The following SPON1 variants were observed in gnomAD, a reference collection of about 807,000 sequenced individuals.
SPON1 encodes spondin 1, also known as spondin-1.
Under a neutral mutation model 111.7 loss-of-function variants are expected in SPON1, and 52 were observed. That is an observed-to-expected ratio of 0.47 (90% CI 0.37 to 0.59). The LOEUF (loss-of-function observed/expected upper bound fraction) is 0.59, where lower values mean the gene tolerates loss of function less well. Ranked by LOEUF, SPON1 falls within the 20% of genes least tolerant of loss-of-function variation. The pLI is 0.00. For missense variants in SPON1, 957 were observed against 1,068.5 expected, an observed-to-expected ratio of 0.90 and a Z score of 1.46; for synonymous variants, 410 against 395.8, an observed-to-expected ratio of 1.04 and a Z score of -0.43.
At chr11:13,967,256 T>C (rs531300678) in intron 1 of SPON1, among the ~76,000 whole-genome samples, 15 of 152,338 alleles carry the variant, frequency 9.8e-5, no homozygotes, top group African/African-American at 3.4e-4. Context: ...TCAGCTACCC[T>C]CAGCCTTCTG....
In SPON1 at chr11:14,266,388, T is replaced by C. The variant is rs1416473734; in HGVS notation, c.*701T>C. The C allele has an allele frequency of 6.6e-6, 1 of 152,126 alleles. No homozygotes were observed. The highest frequency in any genetic ancestry group is 2.4e-5 in the African/African-American group (1 of 41,404). The allele number at this position is 152,126 out of a possible 1,614,324, so 9.4% of individuals were successfully genotyped here. Reference sequence around the variant, plus strand: ...AGGTAGCTAGTTTTTACACCTGAGATAAATAATAAGCTTAGAGTGTATTTT... The same window carrying C: ...AGGTAGCTAGTTTTTACACCTGAGACAAATAATAAGCTTAGAGTGTATTTT... On this transcript the variant is annotated 3_prime_UTR_variant, in exon 16 of 16. Coordinates refer to ENST00000576479, the MANE Select transcript of SPON1 (RefSeq NM_006108.4).
At chr11:14,201,771 T>G (rs547386426) in intron 6 of SPON1, among the ~76,000 whole-genome samples, 13 of 152,158 alleles carry the variant, frequency 8.5e-5, no homozygotes, top group East Asian at 3.8e-4. Context: ...TGATGATGAT[T>G]ATTATTATTA....
intron 6 of SPON1, among the ~76,000 whole-genome samples, chr11:14,236,883 G>C (rs1222411639): frequency 2.0e-5 from 3 of 152,242 alleles, no homozygotes; most frequent in African/African-American, 7.2e-5. Flanking sequence ...TGGTGACCTT[G>C]ACGGGAGCAG....
At chr11:14,177,353 G>C (rs1042258368) in intron 6 of SPON1, among the ~76,000 whole-genome samples, 1 of 152,194 alleles carries the variant, frequency 6.6e-6, no homozygotes, top group Non-Finnish European at 1.5e-5. Flanking sequence ...AGTTTTTAAG[G>C]ATAGCTTGGT....
intron 2 of SPON1, among the ~76,000 whole-genome samples, chr11:14,006,731 A>C (rs782275989): frequency 1.3e-5 from 2 of 152,032 alleles, no homozygotes; most frequent in Non-Finnish European, 2.9e-5. Context: ...TCCTCACACC[A>C]ATCTAGCAAA....
At chr11:13,966,243 C>T (rs1848015128) in intron 1 of SPON1, among the ~76,000 whole-genome samples, 2 of 152,124 alleles carry the variant, frequency 1.3e-5, no homozygotes, top group Admixed American at 1.3e-4. Context: ...CTTTAGAAAG[C>T]TCTGAAAGGC....
intron 2 of SPON1, among the ~76,000 whole-genome samples, chr11:14,027,585 A>C (rs925696127): frequency 1.2e-4 from 19 of 152,336 alleles, no homozygotes; most frequent in Middle Eastern, 3.4e-3. Flanking sequence ...AATGAAATCA[A>C]ACCATTGCAA....
At chr11:13,985,128 A>G (rs1848172511) in intron 2 of SPON1, among the ~76,000 whole-genome samples, 1 of 152,194 alleles carries the variant, frequency 6.6e-6, no homozygotes, top group South Asian at 2.1e-4. Context: ...ACAAGCCTTC[A>G]GGGTGAATCT....
chr11:14,055,283 A>T (rs1206590342), intron 3 of SPON1, among the ~76,000 whole-genome samples: 1 of 152,150 alleles, frequency 6.6e-6, no homozygotes, highest in Non-Finnish European at 1.5e-5. Context: ...TATGCTAAAA[A>T]AGATCCCACC....
intron 5 of SPON1, among the ~76,000 whole-genome samples, chr11:14,122,758 C>G (rs1554926629): frequency 6.6e-6 from 1 of 152,054 alleles, no homozygotes; most frequent in African/African-American, 2.4e-5. Context: ...ACCAAAATTC[C>G]CTATCTGTTC....
chr11:14,171,442 C>G (rs11023126), intron 6 of SPON1, among the ~76,000 whole-genome samples: 29,506 of 152,082 alleles, frequency 0.19, 2,962 homozygotes, highest in Admixed American at 0.25. Flanking sequence ...CAAAAAACCA[C>G]CTCCTGGATT....
chr11:14,084,882 C>T (rs1554922429), intron 5 of SPON1, among the ~76,000 whole-genome samples: 2 of 152,186 alleles, frequency 1.3e-5, no homozygotes, highest in African/African-American at 4.8e-5. Context: ...TTTTGATTTG[C>T]ATTTCCCTAA....
chr11:14,159,049 C>A (rs1210473766), intron 6 of SPON1, among the ~76,000 whole-genome samples: 1 of 151,962 alleles, frequency 6.6e-6, no homozygotes, highest in Non-Finnish European at 1.5e-5. Flanking sequence ...AGTGTGACTT[C>A]CTTCAATGTG....
At chr11:14,102,678 A>T (rs932099954) in intron 5 of SPON1, among the ~76,000 whole-genome samples, 1 of 152,180 alleles carries the variant, frequency 6.6e-6, no homozygotes, top group Non-Finnish European at 1.5e-5. Flanking sequence ...CTTGACTTTC[A>T]TGACACTGAT....
chr11:14,261,390 C>G (rs1253384990), intron 14 of SPON1, among the ~76,000 whole-genome samples: 1 of 152,224 alleles, frequency 6.6e-6, no homozygotes, highest in African/African-American at 2.4e-5. Context: ...GCTCTGGCCC[C>G]CTCCAGCATG....
At position 14,266,447 on chromosome 11, in the gene SPON1, CA is replaced by C. The variant is rs1405157795; in HGVS notation, c.*762del. On this transcript the variant is annotated 3_prime_UTR_variant, in exon 16 of 16. Coordinates refer to ENST00000576479, the MANE Select transcript of SPON1 (RefSeq NM_006108.4). ...TTTTGGGGGTTCAGAGGAGTATGTACAATTCTTCTGGGAAGCCAGCCTTCTG... is the reference window on the plus strand; with the variant it reads ...TTTTGGGGGTTCAGAGGAGTATGTACATTCTTCTGGGAAGCCAGCCTTCTG... The C allele has an allele frequency of 6.6e-6, 1 of 151,900 alleles. No individual in the cohort carries two copies. The highest frequency in any genetic ancestry group is 1.5e-5 in the Non-Finnish European group (1 of 67,988). 9.4% of individuals were successfully genotyped at this position (151,900 alleles called of 1,614,324 possible). A position where few individuals can be genotyped will look rare whatever the true frequency, so the allele number is the denominator to read the frequency against.
chr11:13,987,963 T>A (rs1848198371), intron 2 of SPON1, among the ~76,000 whole-genome samples: 1 of 152,178 alleles, frequency 6.6e-6, no homozygotes, highest in African/African-American at 2.4e-5. Context: ...AGCCTTGTAG[T>A]ATAGTTTGAA....
rs527358795 is a variant in SPON1 at position 13,965,216 on chromosome 11, G to C, written c.238+2074G>C. ...CTCCTCCAGTCCCATTCATCTACCA[G>C]TGGTTATTTGGGTCCTCATGAATTA... is the stretch of plus-strand genomic sequence containing the variant. On this transcript the variant is annotated intron_variant, in intron 1 of 15. Transcript: ENST00000576479. 2.6e-5 allele frequency among the ~76,000 whole-genome samples: 4 copies of C among 152,272 alleles called. No homozygotes were observed. In the South Asian group the frequency reaches 8.3e-4, roughly 32 times the overall value.
chr11:14,178,045 A>AACACAC lies in SPON1; in HGVS notation c.825+42502_825+42507dup, dbSNP rs5789825. ...CTCACTGTTGTAAAACACACACACA[A>AACACAC]ACACACACACACACACACACACACA... On this transcript the variant is annotated intron_variant, in intron 6 of 15. Transcript: ENST00000576479. Among the ~76,000 whole-genome samples the AACACAC allele has an allele frequency of 2.3e-3, 327 of 142,704 alleles. 2 individuals carry two copies. Among genetic ancestry groups the AACACAC allele is most frequent in the South Asian group, 7.0e-3 (30 of 4,268 alleles). 93.6% of individuals were successfully genotyped at this position (142,704 alleles called of 152,430 possible). A position where few individuals can be genotyped will look rare whatever the true frequency, so the allele number is the denominator to read the frequency against.
Sources: allele counts gnomAD v4.1 joint callset (sites outside exome capture counted in the v4.1 genomes callset), GRCh38; gene constraint gnomAD v4.1.1; transcripts MANE v1.5; gene names NCBI Gene and HGNC (gene_info 2026-07-23, HGNC 2026-07-21).